The following TENM4 variants were observed in gnomAD, a reference collection of about 807,000 sequenced individuals.
TENM4 encodes the protein teneurin-4.
Under a neutral mutation model 243.3 loss-of-function variants are expected in TENM4, and 82 were observed. The ratio of observed to expected loss-of-function variants is 0.34; its 90% CI spans 0.28 to 0.40. The LOEUF (loss-of-function observed/expected upper bound fraction) is 0.40, where lower values mean the gene tolerates loss of function less well. Ranked by LOEUF, TENM4 falls within the 10% of genes least tolerant of loss-of-function variation. The pLI is 1.00. For synonymous variants in TENM4, 1,412 were observed against 1,456.3 expected (o/e 0.97, Z 0.69); for missense variants, 3,138 against 3,673.3 (o/e 0.85, Z 3.77).
At chr11:79,241,732 G>A (rs1407387957) in intron 2 of TENM4, among the ~76,000 whole-genome samples, 1 of 152,130 alleles carries the variant, frequency 6.6e-6, no homozygotes, top group Non-Finnish European at 1.5e-5. Context: ...GTGTGTGTGT[G>A]CATGTGTATG....
rs572576603 is a variant in TENM4 at position 78,967,291 on chromosome 11, G to A, written c.494-63768C>T. ...TAGTGCAGTGTCTTGCACATAGAAC[G>A]CAGTAGTAAATATTTGTTAGGTGAA... On this transcript the variant is annotated intron_variant, in intron 6 of 33. Transcript: ENST00000278550. Among the ~76,000 whole-genome samples the A allele has an allele frequency of 7.2e-5, 11 of 152,236 alleles. 1 individual carries two copies. The South Asian group carries it at 1.9e-3, about 26-fold the overall frequency.
intron 3 of TENM4, among the ~76,000 whole-genome samples, chr11:79,191,996 C>T (rs542266681): frequency 2.3e-4 from 34 of 150,234 alleles, no homozygotes; most frequent in African/African-American, 3.9e-4. Context: ...AGGTGAGGGG[C>T]GCCTCTGCCC....
intron 16 of TENM4, among the ~76,000 whole-genome samples, chr11:78,781,845 CTT>C (rs1000726108): frequency 6.6e-6 from 1 of 152,214 alleles, no homozygotes; most frequent in African/African-American, 2.4e-5. Flanking sequence ...GCTCTTCTCT[CTT>C]TGGATAAGTG....
chr11:78,733,344 C>T (rs539494127), intron 20 of TENM4, among the ~76,000 whole-genome samples: 2 of 152,312 alleles, frequency 1.3e-5, no homozygotes, highest in African/African-American at 4.8e-5. Context: ...GAGGAGAAAC[C>T]TGCCCTCCTA....
intron 2 of TENM4, among the ~76,000 whole-genome samples, chr11:79,256,926 A>C (rs1259799745): frequency 6.6e-6 from 1 of 152,212 alleles, no homozygotes; most frequent in African/African-American, 2.4e-5. Context: ...CAAGATGAGC[A>C]AGACATAACA....
At chr11:79,082,159 C>T (rs973981771) in intron 4 of TENM4, among the ~76,000 whole-genome samples, 1 of 152,194 alleles carries the variant, frequency 6.6e-6, no homozygotes, top group Non-Finnish European at 1.5e-5. Context: ...CCATATGCCA[C>T]CTCCATGGTC....
chr11:79,166,646 A>C (rs1862921989), intron 3 of TENM4, among the ~76,000 whole-genome samples: 1 of 152,202 alleles, frequency 6.6e-6, no homozygotes, highest in Non-Finnish European at 1.5e-5. Flanking sequence ...CACAGAGAGA[A>C]TGGAATTACT....
At chr11:79,080,666 C>T (rs909018649) in intron 4 of TENM4, among the ~76,000 whole-genome samples, 2 of 152,214 alleles carry the variant, frequency 1.3e-5, no homozygotes, top group Non-Finnish European at 2.9e-5. Context: ...GCCAGACCCA[C>T]TGGGGCCCCA....
At chr11:79,130,652 T>C (rs1030655919) in intron 4 of TENM4, among the ~76,000 whole-genome samples, 1 of 151,988 alleles carries the variant, frequency 6.6e-6, no homozygotes, top group Non-Finnish European at 1.5e-5. Context: ...TGAAACACCA[T>C]CTCTACTAAA....
chr11:78,868,051 T>G (rs541250573), intron 9 of TENM4, among the ~76,000 whole-genome samples: 9 of 137,472 alleles, frequency 6.5e-5, no homozygotes, highest in South Asian at 4.6e-4. Context: ...GTTATCCAAA[T>G]GATTTGGAAG....
intron 1 of TENM4, among the ~76,000 whole-genome samples, chr11:79,396,088 A>G (rs1590935742): frequency 1.3e-5 from 2 of 152,242 alleles, no homozygotes; most frequent in East Asian, 1.9e-4. Context: ...CCCCCTGCCT[A>G]TGTTCTTCCC....
At chr11:79,406,911 C>G (rs1320024781) in intron 1 of TENM4, among the ~76,000 whole-genome samples, 1 of 152,092 alleles carries the variant, frequency 6.6e-6, no homozygotes, top group East Asian at 1.9e-4. Flanking sequence ...ATATCTGTAT[C>G]AAAAGGAAAG....
chr11:79,257,207 C>T (rs530389949), intron 2 of TENM4, among the ~76,000 whole-genome samples: 4 of 152,292 alleles, frequency 2.6e-5, no homozygotes, highest in Admixed American at 2.6e-4. Flanking sequence ...AAGTATCAGA[C>T]TGGGGCCCAA....
At chr11:78,899,074 C>T (rs111260836) in intron 7 of TENM4, among the ~76,000 whole-genome samples, 2,461 of 152,198 alleles carry the variant, frequency 0.016, 65 homozygotes, top group African/African-American at 0.057. Flanking sequence ...CCTCTTGAAG[C>T]TGGCCAGCTT....
At chr11:79,064,065 A>G (rs1860172999) in intron 6 of TENM4, among the ~76,000 whole-genome samples, 1 of 135,152 alleles carries the variant, frequency 7.4e-6, no homozygotes, top group South Asian at 2.4e-4. Context: ...GTTAATTAAC[A>G]TATCTCTCAT....
chr11:78,676,669 T>C (rs1013775454), intron 29 of TENM4, among the ~76,000 whole-genome samples: 2 of 152,272 alleles, frequency 1.3e-5, no homozygotes, highest in East Asian at 1.9e-4. Flanking sequence ...AAAACAGTTA[T>C]ACAGTTTTTC....
intron 19 of TENM4, among the ~76,000 whole-genome samples, chr11:78,747,808 C>A (rs1856086253): frequency 6.6e-6 from 1 of 152,192 alleles, no homozygotes; most frequent in African/African-American, 2.4e-5. Context: ...ATTTTAACTT[C>A]TTATTGCTTA....
chr11:79,264,885 T>C (rs1050904497), intron 2 of TENM4, among the ~76,000 whole-genome samples: 2 of 152,208 alleles, frequency 1.3e-5, no homozygotes, highest in East Asian at 1.9e-4. Context: ...TTTATACCTC[T>C]GGTCTTGTCA....
intron 4 of TENM4, among the ~76,000 whole-genome samples, chr11:79,140,153 T>C (rs1277369040): frequency 6.6e-6 from 1 of 151,946 alleles, no homozygotes; most frequent in Admixed American, 6.6e-5. Context: ...CCCAGAATCA[T>C]AGGCAGTTCC....
Sources: gnomAD v4.1 joint callset for allele counts (sites outside exome capture counted in the v4.1 genomes callset) on GRCh38, gnomAD v4.1.1 for gene constraint, MANE v1.5 for transcripts, NCBI Gene and HGNC (gene_info 2026-07-23, HGNC 2026-07-21) for gene names.